SYNPR: variants seen among roughly 807,000 people sequenced by gnomAD.
The protein encoded by SYNPR is synaptoporin.
A neutral mutation model predicts 32.9 loss-of-function variants in SYNPR; 23 were observed. That is an observed-to-expected ratio of 0.70 (90% confidence interval 0.50 to 0.99). SYNPR has a LOEUF of 0.99. Among genes scored for constraint, SYNPR ranks in the 50% least tolerant of loss-of-function variants. SYNPR has a pLI of 0.00. For missense variants in SYNPR, 318 were observed against 349.3 expected (o/e 0.91, Z 0.71); for synonymous variants, 146 against 135.9 (o/e 1.07, Z -0.52).
chr3:63,236,516 C>T (rs776878125), intron 1 of SYNPR, among the ~76,000 whole-genome samples: 75 of 151,982 alleles, frequency 4.9e-4, no homozygotes, highest in Non-Finnish European at 1.0e-3. Flanking sequence ...ATATGGTATG[C>T]CTCTCCATTT....
At chr3:63,279,338 G>C (rs1333706831) in intron 2 of SYNPR, among the ~76,000 whole-genome samples, 1 of 152,074 alleles carries the variant, frequency 6.6e-6, no homozygotes, top group Non-Finnish European at 1.5e-5. Context: ...CCCTACTATA[G>C]TTTCTTTTCT....
At chr3:63,270,061 G>A (rs535863380) in intron 3 of SYNPR, among the ~76,000 whole-genome samples, 4 of 152,266 alleles carry the variant, frequency 2.6e-5, no homozygotes, top group African/African-American at 9.6e-5. Context: ...AAGAGCATAG[G>A]ATAAAAATGA....
At chr3:63,493,958 G>A (rs898951050) in intron 3 of SYNPR, among the ~76,000 whole-genome samples, 3 of 151,886 alleles carry the variant, frequency 2.0e-5, no homozygotes, top group Non-Finnish European at 4.4e-5. Context: ...GAGAACTGCT[G>A]ACCTAAAAAG....
At chr3:63,241,498 C>T (rs1199915537) in intron 1 of SYNPR, among the ~76,000 whole-genome samples, 1 of 152,016 alleles carries the variant, frequency 6.6e-6, no homozygotes, top group African/African-American at 2.4e-5. Flanking sequence ...ATATGATGCA[C>T]TTTTAATCAA....
At chr3:63,562,578 C>T (rs1702709210) in intron 4 of SYNPR, among the ~76,000 whole-genome samples, 1 of 152,204 alleles carries the variant, frequency 6.6e-6, no homozygotes, top group African/African-American at 2.4e-5. Flanking sequence ...ACCTTGGTTT[C>T]ATGACCAGTG....
upstream of SYNPR, among the ~76,000 whole-genome samples, chr3:63,223,987 G>C (rs2086111481): frequency 2.0e-5 from 3 of 152,184 alleles, no homozygotes; most frequent in South Asian, 6.2e-4. Flanking sequence ...ACTTCAAAAA[G>C]TGAATAAGAT....
At chr3:63,298,855 T>C (rs2086816259) in intron 2 of SYNPR, among the ~76,000 whole-genome samples, 4 of 152,136 alleles carry the variant, frequency 2.6e-5, no homozygotes. Flanking sequence ...GGGACCGGTG[T>C]AGAACATACC....
Position 63,615,238 on chromosome 3 carries a change from G to C in SYNPR, c.615G>C (p.Leu205Phe), listed in dbSNP as rs967601575. 6.2e-7 allele frequency: 1 copy of C among 1,613,372 alleles called. No homozygotes were observed. Among genetic ancestry groups the C allele is most frequent in the Admixed American group, 1.7e-5 (1 of 59,952 alleles). The change falls in exon 6 of 6, where the codon TTG becomes TTC. Residue 205 changes from leucine (L) to phenylalanine (F), a missense_variant. By Grantham distance (22) the Leu-to-Phe change is conservative. Transcript: ENST00000478300. ...TTCTCCTTCAGGTCTTTGGATTCTT[G>C]AACTTTATTCTCTGGGCTGGAAACA... is the stretch of plus-strand genomic sequence containing the variant. ...SLNTSVVFGFLNFILWAGNIW... is the reference protein window; with the variant it reads ...SLNTSVVFGFFNFILWAGNIW...
intron 2 of SYNPR, among the ~76,000 whole-genome samples, chr3:63,383,561 C>CAAA (rs1037288320): frequency 6.6e-6 from 1 of 152,074 alleles, no homozygotes; most frequent in African/African-American, 2.4e-5. Context: ...TGCTAAAATA[C>CAAA]AAAAAATTAG....
chr3:63,581,624 T>C (rs1258563773), intron 4 of SYNPR, among the ~76,000 whole-genome samples: 1 of 152,078 alleles, frequency 6.6e-6, no homozygotes, highest in Non-Finnish European at 1.5e-5. Flanking sequence ...GTGAGAGCTC[T>C]TTCTGAACTG....
chr3:63,455,304 G>A (rs1336688718), intron 2 of SYNPR, among the ~76,000 whole-genome samples: 1 of 152,118 alleles, frequency 6.6e-6, no homozygotes, highest in African/African-American at 2.4e-5. Flanking sequence ...GGCTTCAAGA[G>A]AGCAGTGTCC....
rs111967234 is a variant in SYNPR, at chr3:63,477,749, T to G, written c.85-3083T>G. Among the ~76,000 whole-genome samples the G allele has an allele frequency of 1.3e-3, 202 of 152,322 alleles. 1 individual carries two copies. The highest frequency in any genetic ancestry group is 4.8e-3 in the African/African-American group (198 of 41,582). On this transcript the variant is annotated intron_variant, in intron 2 of 5. Coordinates refer to ENST00000478300, the MANE Select transcript of SYNPR (RefSeq NM_001130003.2). ...CTCCCCACTGTCCATCTGCTAGATA[T>G]TCATTCTCCCTTACAGGGATCAGTA...
At chr3:63,544,216 T>C (rs957501195) in intron 3 of SYNPR, among the ~76,000 whole-genome samples, 2 of 152,080 alleles carry the variant, frequency 1.3e-5, no homozygotes, top group Admixed American at 6.6e-5. Flanking sequence ...CTGCAAAGCA[T>C]TGGAGACACG....
chr3:63,452,116 G>A lies in SYNPR; in HGVS notation c.85-28716G>A. 4.3e-6 allele frequency: 3 copies of A among 701,852 alleles called. No individual in the cohort carries two copies. In the South Asian group the frequency reaches 4.4e-5, roughly 10 times the overall value. 43.5% of individuals were successfully genotyped at this position (701,852 alleles called of 1,614,324 possible). On this transcript the variant is annotated intron_variant, in intron 2 of 5. Coordinates refer to ENST00000478300, the MANE Select transcript of SYNPR (RefSeq NM_001130003.2). ...TTTTTCTCTGGATCTCTTCAAAAAG[G>A]CAAGAATGTTTTCTTATTTGCTCAC...
At chr3:63,568,624 A>G (rs929259819) in intron 4 of SYNPR, among the ~76,000 whole-genome samples, 3 of 152,208 alleles carry the variant, frequency 2.0e-5, no homozygotes, top group Non-Finnish European at 4.4e-5. Flanking sequence ...TAAGCTAGGT[A>G]TATGTGGGCC....
At chr3:63,526,059 G>C (rs915492386) in intron 3 of SYNPR, among the ~76,000 whole-genome samples, 2 of 152,142 alleles carry the variant, frequency 1.3e-5, no homozygotes, top group African/African-American at 4.8e-5. Context: ...GAGAGGGGAG[G>C]TGCCAGGCTC....
intron 2 of SYNPR, among the ~76,000 whole-genome samples, chr3:63,333,969 G>A (rs961507152): frequency 6.6e-6 from 1 of 152,178 alleles, no homozygotes; most frequent in African/African-American, 2.4e-5. Flanking sequence ...ATGGTCTATA[G>A]TAATAGAGAA....
chr3:63,517,397 T>A (rs1701820143), intron 3 of SYNPR, among the ~76,000 whole-genome samples: 1 of 152,148 alleles, frequency 6.6e-6, no homozygotes, highest in Admixed American at 6.6e-5. Context: ...GAGGAAAATA[T>A]ACTTTAAGAA....
intron 3 of SYNPR, among the ~76,000 whole-genome samples, chr3:63,536,093 C>T (rs1702200996): frequency 6.6e-6 from 1 of 151,874 alleles, no homozygotes; most frequent in African/African-American, 2.4e-5. Flanking sequence ...TAAGGAAACC[C>T]TCATCTCTAC....
Sources: allele counts gnomAD v4.1 joint callset (sites outside exome capture counted in the v4.1 genomes callset), GRCh38; gene constraint gnomAD v4.1.1; transcripts MANE v1.5; gene names NCBI Gene and HGNC (gene_info 2026-07-23, HGNC 2026-07-21).